Variants in TRPC4 observed in about 807,000 individuals in gnomAD.
TRPC4 encodes the protein transient receptor potential cation channel subfamily C member 4.
A neutral mutation model predicts 99.4 loss-of-function variants in TRPC4; 49 were observed. That is an observed-to-expected ratio of 0.49 (90% CI 0.39 to 0.63). The LOEUF (loss-of-function observed/expected upper bound fraction) is 0.63. Ranked by LOEUF, TRPC4 falls within the 20% of genes least tolerant of loss-of-function variation. The pLI is 0.00. For synonymous variants in TRPC4, 454 were observed against 425.9 expected (o/e 1.07, Z -0.81); for missense variants, 898 against 1,152.9 (o/e 0.78, Z 3.20).
rs1246566107 is a variant in TRPC4, at chr13:37,632,205, C to T, written c.*4698G>A. On this transcript the variant is annotated 3_prime_UTR_variant, in exon 11 of 11. Coordinates refer to ENST00000379705, the MANE Select transcript of TRPC4 (RefSeq NM_016179.4). ...TACAAATGTTCCTGAGCAGCACTGT[C>T]CAATAGAAATGTATTGCAAGGCACA... Among the ~76,000 whole-genome samples, 2 of 152,138 alleles carry T rather than the reference C, an allele frequency of 1.3e-5. No homozygotes were observed. The highest frequency in any genetic ancestry group is 2.9e-5 in the Non-Finnish European group (2 of 68,026).
At chr13:37,650,100 G>C (rs971662564) in intron 8 of TRPC4, among the ~76,000 whole-genome samples, 8 of 152,226 alleles carry the variant, frequency 5.3e-5, no homozygotes, top group Non-Finnish European at 1.2e-4. Flanking sequence ...ACTGCCAGTA[G>C]GAGAAAGCTC....
At position 37,838,689 on chromosome 13, in the gene TRPC4, T is replaced by TA. The variant is rs775243471; in HGVS notation, c.-28+30905_-28+30906insT. 3.4e-4 allele frequency among the ~76,000 whole-genome samples: 52 copies of TA among 152,312 alleles called. No individual in the cohort carries two copies. The South Asian group carries it at 4.6e-3, about 13-fold the overall frequency. On this transcript the variant is annotated intron_variant, in intron 1 of 10. Coordinates refer to ENST00000379705, the MANE Select transcript of TRPC4 (RefSeq NM_016179.4). ...TACCTTTTACTTGCCCTGACTCTAA[T>TA]CAATATATACACAATATTCACTTCT... is the stretch of plus-strand genomic sequence containing the variant.
chr13:37,638,427 A>G (rs12871022), intron 10 of TRPC4, among the ~76,000 whole-genome samples: 41,916 of 151,940 alleles, frequency 0.28, 6,441 homozygotes, highest in Non-Finnish European at 0.35. Context: ...TCTATGTTAA[A>G]TATCTCCTAT....
chr13:37,764,653 T>C (rs1956310461), intron 2 of TRPC4, among the ~76,000 whole-genome samples: 1 of 151,440 alleles, frequency 6.6e-6, no homozygotes, highest in Non-Finnish European at 1.5e-5. Context: ...ATGTTTTTAA[T>C]ATTTCACTTT....
chr13:37,841,155 A>G lies in TRPC4; in HGVS notation c.-28+28440T>C, dbSNP rs528364703. On this transcript the variant is annotated intron_variant, in intron 1 of 10. Transcript: ENST00000379705. ...GATTTACAGAGGATCACAATGAGCAAGTAAGGATTTAATCAAGATTATACA... is the reference window on the plus strand; with the variant it reads ...GATTTACAGAGGATCACAATGAGCAGGTAAGGATTTAATCAAGATTATACA... Among the ~76,000 whole-genome samples, 61 of 152,256 alleles carry G rather than the reference A, an allele frequency of 4.0e-4. 1 individual carries two copies. The highest frequency in any genetic ancestry group is 1.4e-3 in the African/African-American group (59 of 41,568).
At chr13:37,857,950 A>G (rs963688202) in intron 1 of TRPC4, among the ~76,000 whole-genome samples, 2 of 151,858 alleles carry the variant, frequency 1.3e-5, no homozygotes, top group African/African-American at 4.8e-5. Context: ...CTGCACAGCA[A>G]AAGAAACAAT....
At chr13:37,652,304 A>G (rs547414810) in intron 7 of TRPC4, among the ~76,000 whole-genome samples, 1 of 152,362 alleles carries the variant, frequency 6.6e-6, no homozygotes, top group Non-Finnish European at 1.5e-5. Context: ...TAACCAGTTA[A>G]TATCATAAAC....
At chr13:37,844,714 C>G (rs940988517) in intron 1 of TRPC4, among the ~76,000 whole-genome samples, 6 of 152,094 alleles carry the variant, frequency 3.9e-5, no homozygotes, top group African/African-American at 1.4e-4. Context: ...GTGAATAGAT[C>G]ATCTAGTACT....
At chr13:37,790,712 C>G (rs1957096675) in intron 1 of TRPC4, among the ~76,000 whole-genome samples, 1 of 152,132 alleles carries the variant, frequency 6.6e-6, no homozygotes, top group Admixed American at 6.5e-5. Flanking sequence ...CAACCTGAAA[C>G]CAACTGAGCA....
chr13:37,730,294 G>A (rs973572009), intron 3 of TRPC4, among the ~76,000 whole-genome samples: 13 of 151,728 alleles, frequency 8.6e-5, no homozygotes, highest in Non-Finnish European at 1.8e-4. Context: ...TATATATCAC[G>A]TATTTTCTTT....
At chr13:37,647,415 G>T (rs1951885756) in intron 8 of TRPC4, among the ~76,000 whole-genome samples, 1 of 152,204 alleles carries the variant, frequency 6.6e-6, no homozygotes, top group Non-Finnish European at 1.5e-5. Context: ...CGGGACACAG[G>T]AGTCTAAGAG....
intron 3 of TRPC4, among the ~76,000 whole-genome samples, chr13:37,705,865 T>C (rs116328075): frequency 2.6e-3 from 394 of 152,286 alleles, no homozygotes; most frequent in African/African-American, 9.3e-3. Context: ...GCTTTAACCA[T>C]GCCTGGGCCT....
intron 3 of TRPC4, among the ~76,000 whole-genome samples, chr13:37,730,065 T>C (rs1955194086): frequency 6.6e-6 from 1 of 152,016 alleles, no homozygotes; most frequent in African/African-American, 2.4e-5. Flanking sequence ...TCAGAAAGAC[T>C]ACGACAGAGA....
intron 5 of TRPC4, among the ~76,000 whole-genome samples, chr13:37,671,110 C>T (rs767516440): frequency 1.3e-5 from 2 of 152,156 alleles, no homozygotes; most frequent in Non-Finnish European, 2.9e-5. Flanking sequence ...AGATCAAAAG[C>T]TGTTTCTTAG....
chr13:37,852,105 C>T (rs1286791816), intron 1 of TRPC4, among the ~76,000 whole-genome samples: 1 of 152,122 alleles, frequency 6.6e-6, no homozygotes, highest in Non-Finnish European at 1.5e-5. Flanking sequence ...GGACTCAGAA[C>T]CAGAGGACTA....
At chr13:37,755,144 A>G (rs937005152) in intron 2 of TRPC4, among the ~76,000 whole-genome samples, 4 of 152,140 alleles carry the variant, frequency 2.6e-5, no homozygotes, top group Non-Finnish European at 5.9e-5. Flanking sequence ...AAGGGTATTC[A>G]TTCTATTAAA....
At chr13:37,643,771 CAT>C (rs1258405715) in intron 8 of TRPC4, among the ~76,000 whole-genome samples, 4 of 152,132 alleles carry the variant, frequency 2.6e-5, no homozygotes, top group African/African-American at 9.7e-5. Context: ...AGTTGAGTGA[CAT>C]GTGATGAAAG....
At chr13:37,730,295 T>A (rs1225729490) in intron 3 of TRPC4, among the ~76,000 whole-genome samples, 1 of 152,004 alleles carries the variant, frequency 6.6e-6, no homozygotes, top group African/African-American at 2.4e-5. Flanking sequence ...ATATATCACG[T>A]ATTTTCTTTT....
Position 37,651,506 on chromosome 13 carries a change from A to G in TRPC4, c.1885-47T>C, listed in dbSNP as rs536103243. 7.8e-6 allele frequency: 12 copies of G among 1,546,598 alleles called. No individual in the cohort carries two copies. The East Asian group carries it at 2.7e-4, about 35-fold the overall frequency. ...CTGATGATAGGTTCCTTAATTAACA[A>G]GGTACCATAAATCTCACAGAGATCC... On this transcript the variant is annotated intron_variant, in intron 7 of 10. Coordinates refer to ENST00000379705, the MANE Select transcript of TRPC4 (RefSeq NM_016179.4).
Sources: allele counts gnomAD v4.1 joint callset (sites outside exome capture counted in the v4.1 genomes callset), GRCh38; gene constraint gnomAD v4.1.1; transcripts MANE v1.5; gene names NCBI Gene and HGNC (gene_info 2026-07-23, HGNC 2026-07-21).